The following NPL variants were observed in gnomAD, a reference collection of about 807,000 sequenced individuals.
NPL encodes the protein N-acetylneuraminate pyruvate lyase.
NPL carries 32 observed loss-of-function variants against 41.1 expected under a neutral mutation model. That is an observed-to-expected ratio of 0.78 (90% CI 0.59 to 1.05). The LOEUF (loss-of-function observed/expected upper bound fraction) is 1.05. Among genes scored for constraint, NPL ranks in the 50% least tolerant of loss-of-function variants. The pLI, the probability that NPL is intolerant of heterozygous loss-of-function variation, is 0.00. For missense variants in NPL, 321 were observed against 378.4 expected (o/e 0.85, Z 1.26); for synonymous variants, 128 against 134.9 (o/e 0.95, Z 0.35).
chr1:182,806,451 C>G, intron 5 of NPL: 1 of 1,536,568 alleles, frequency 6.5e-7, no homozygotes, highest in Non-Finnish European at 8.7e-7. Flanking sequence ...ACACCTGCCA[C>G]CCAGAGGTTC....
At chr1:182,810,315 G>A (rs1459309565) in intron 5 of NPL, among the ~76,000 whole-genome samples, 4 of 152,140 alleles carry the variant, frequency 2.6e-5, no homozygotes, top group African/African-American at 7.2e-5. Flanking sequence ...AACAAATATC[G>A]CCTTTTGGCC....
intron 3 of NPL, among the ~76,000 whole-genome samples, chr1:182,802,996 C>T (rs547034852): frequency 6.6e-6 from 1 of 152,222 alleles, no homozygotes; most frequent in Non-Finnish European, 1.5e-5. Context: ...TCCCTTCTAA[C>T]TGCTAACCTT....
intron 5 of NPL, chr1:182,809,290 G>C: frequency 2.4e-6 from 1 of 418,586 alleles, no homozygotes; most frequent in Non-Finnish European, 4.7e-6. Context: ...TGTAATCCCA[G>C]CACTTTGGGA....
At chr1:182,825,108 T>C (rs995596610) in intron 11 of NPL, among the ~76,000 whole-genome samples, 12 of 152,226 alleles carry the variant, frequency 7.9e-5, no homozygotes, top group African/African-American at 2.7e-4. Context: ...AAGGAAATCA[T>C]TGAAAAACCT....
At chr1:182,812,239 A>G (rs1336047770) in intron 6 of NPL, 26 bp downstream of exon 6, 1 of 1,600,274 alleles carries the variant, frequency 6.2e-7, no homozygotes, top group African/African-American at 1.3e-5. Flanking sequence ...CATCTGGGAG[A>G]GACCATTCAA....
In NPL at chr1:182,829,075, T is replaced by C; in HGVS notation, c.*167T>C. On this transcript the variant is annotated 3_prime_UTR_variant, in exon 13 of 13. Coordinates refer to ENST00000367553, the MANE Select transcript of NPL (RefSeq NM_030769.3). ...GTGAGCCTTAAAAAGTCTTATTTTG[T>C]GAAGGGGCAAAAACTCTAGGAGTCA... is the stretch of plus-strand genomic sequence containing the variant. 6.9e-7 allele frequency: 1 copy of C among 1,443,622 alleles called. No individual in the cohort carries two copies. Among genetic ancestry groups the C allele is most frequent in the South Asian group, 1.5e-5 (1 of 67,602 alleles). The allele number at this position is 1,443,622 out of a possible 1,614,324, so 89.4% of individuals were successfully genotyped here.
intron 5 of NPL, among the ~76,000 whole-genome samples, chr1:182,807,992 C>A (rs1187280737): frequency 6.6e-6 from 1 of 151,864 alleles, no homozygotes; most frequent in Non-Finnish European, 1.5e-5. Flanking sequence ...GGAGTGAGTC[C>A]TGTCACTGCA....
At chr1:182,793,939 T>C (rs1395338350) in intron 2 of NPL, among the ~76,000 whole-genome samples, 1 of 152,196 alleles carries the variant, frequency 6.6e-6, no homozygotes, top group Non-Finnish European at 1.5e-5. Flanking sequence ...GCTGACTGTG[T>C]GACTTGAGTA....
rs12085043 is a variant in NPL, at chr1:182,796,085, G to T, written c.68+1646G>T. ...TTTTTCCGTTTCCCAAAAATCTGTGGTCCTGCTGCATCCATTTTACTATTT... is the reference window on the plus strand; with the variant it reads ...TTTTTCCGTTTCCCAAAAATCTGTGTTCCTGCTGCATCCATTTTACTATTT... On this transcript the variant is annotated intron_variant, in intron 3 of 12. Transcript: ENST00000367553. Among the ~76,000 whole-genome samples the T allele has an allele frequency of 9.3e-4, 136 of 146,860 alleles. 3 individuals are homozygous for T. In the East Asian group the frequency reaches 0.018, roughly 19 times the overall value.
At chr1:182,806,748 A>C (rs1396181026) in intron 5 of NPL, among the ~76,000 whole-genome samples, 2 of 152,168 alleles carry the variant, frequency 1.3e-5, no homozygotes, top group Non-Finnish European at 2.9e-5. Context: ...TGCAGTGATA[A>C]ATTTTTGTAA....
intron 12 of NPL, among the ~76,000 whole-genome samples, chr1:182,827,611 A>AAC (rs748325995): frequency 1.3e-5 from 2 of 152,016 alleles, no homozygotes; most frequent in African/African-American, 2.4e-5. Flanking sequence ...GATTTCCCTA[A>AAC]ATATATATAT....
At chr1:182,819,195 G>C (rs998853557) in intron 10 of NPL, among the ~76,000 whole-genome samples, 2 of 151,998 alleles carry the variant, frequency 1.3e-5, no homozygotes, top group Non-Finnish European at 2.9e-5. Context: ...AGTGGCTCAC[G>C]CCTGTAATCC....
At chr1:182,820,480 T>C (rs903509285) in intron 10 of NPL, among the ~76,000 whole-genome samples, 38 of 152,216 alleles carry the variant, frequency 2.5e-4, no homozygotes, top group African/African-American at 8.4e-4. Context: ...TGAATGTGTA[T>C]TTGTTGACCA....
Position 182,828,691 on chromosome 1 carries a change from A to G in NPL, c.779-33A>G, listed in dbSNP as rs371654437. The G allele has an allele frequency of 6.2e-7, 1 of 1,614,046 alleles. No homozygotes were observed. On this transcript the variant is annotated intron_variant, in intron 12 of 12. Transcript: ENST00000367553. This position sits in a 1 kb window ranked among gnomAD's most constrained non-coding sequence, Gnocchi z 4.0. ...TTTTTGTGGAGAGATAGACGGTACC[A>G]GTCATGTTTCCTCATTTGTTTTTCC... is the stretch of plus-strand genomic sequence containing the variant.
At chr1:182,825,249 A>G (rs1028732208) in intron 11 of NPL, among the ~76,000 whole-genome samples, 1 of 152,130 alleles carries the variant, frequency 6.6e-6, no homozygotes, top group African/African-American at 2.4e-5. Flanking sequence ...TTTTTTTTCA[A>G]AAGTAGAAAA....
Position 182,829,486 on chromosome 1 carries a change from C to G in NPL, c.*578C>G. 6.8e-7 allele frequency: 1 copy of G among 1,472,416 alleles called. No individual in the cohort carries two copies. Among genetic ancestry groups the G allele is most frequent in the South Asian group, 1.4e-5 (1 of 70,982 alleles). The allele number at this position is 1,472,416 out of a possible 1,614,324, so 91.2% of individuals were successfully genotyped here. On this transcript the variant is annotated 3_prime_UTR_variant, in exon 13 of 13. Coordinates refer to ENST00000367553, the MANE Select transcript of NPL (RefSeq NM_030769.3). ...CACCACTTTTCGCTCTTTAAAAACA[C>G]TGGGTCAGGTGAGGACTTGTTTCAG...
chr1:182,829,719 C>A lies in NPL; in HGVS notation c.*811C>A, dbSNP rs148028376. The A allele has an allele frequency of 3.2e-6, 4 of 1,255,928 alleles. No homozygotes were observed. The highest frequency in any genetic ancestry group is 2.0e-5 in the Admixed American group (1 of 50,046). 77.8% of individuals were successfully genotyped at this position (1,255,928 alleles called of 1,614,324 possible). On this transcript the variant is annotated 3_prime_UTR_variant, in exon 13 of 13. Coordinates refer to ENST00000367553, the MANE Select transcript of NPL (RefSeq NM_030769.3). ...CCGCAGGACCCTGAATTATTGAAAT[C>A]GAAGGCTGACTTCCTTTCTGCAGTG...
chr1:182,821,975 C>T (rs1203987534), intron 10 of NPL, 140 bp from the exon 11 acceptor site: 4 of 707,134 alleles, frequency 5.7e-6, no homozygotes, highest in Non-Finnish European at 7.8e-6. Context: ...ACAGTCTTGT[C>T]CCCTAATAGA....
chr1:182,818,320 T>C (rs928324905), intron 8 of NPL, among the ~76,000 whole-genome samples: 2 of 152,180 alleles, frequency 1.3e-5, no homozygotes, highest in African/African-American at 4.8e-5. Flanking sequence ...ATATTTACAC[T>C]TCACAAATAT....
Sources: gnomAD v4.1 joint callset for allele counts (sites outside exome capture counted in the v4.1 genomes callset) on GRCh38, gnomAD v4.1.1 for gene constraint, Gnocchi (gnomAD v3.1) non-coding constraint, MANE v1.5 for transcripts, NCBI Gene and HGNC (gene_info 2026-07-23, HGNC 2026-07-21) for gene names.